The following METTL17 variants were observed in gnomAD, a reference collection of about 807,000 sequenced individuals.
The protein encoded by METTL17 is ribosome assembly protein METTL17, mitochondrial.
In METTL17, 49 loss-of-function variants were observed where a neutral mutation model predicts 59.4. The ratio of observed to expected loss-of-function variants is 0.82; its 90% CI spans 0.66 to 1.05. The LOEUF is 1.05. Among genes scored for constraint, METTL17 ranks in the 50% least tolerant of loss-of-function variants. METTL17 has a pLI of 0.00. For synonymous variants in METTL17, 208 were observed against 209.2 expected, an observed-to-expected ratio of 0.99 and a Z score of 0.05; for missense variants, 555 against 578.4, an observed-to-expected ratio of 0.96 and a Z score of 0.41.
chr14:20,996,455 G>C, intron 12 of METTL17, 72 bp from the exon 13 acceptor site: 2 of 1,540,592 alleles, frequency 1.3e-6, no homozygotes, highest in Non-Finnish European at 1.8e-6. Flanking sequence ...GCAGGAATGG[G>C]GAAGAAGGGA....
chr14:20,992,423 G>A lies in METTL17; in HGVS notation c.447-118G>A, dbSNP rs1023349784. The A allele has an allele frequency of 2.6e-5, 22 of 859,148 alleles. No individual in the cohort carries two copies. The African/African-American group carries it at 3.4e-4, about 13-fold the overall frequency. The allele number at this position is 859,148 out of a possible 1,614,324, so 53.2% of individuals were successfully genotyped here. On this transcript the variant is annotated intron_variant, in intron 4 of 13. Coordinates refer to ENST00000339374, the MANE Select transcript of METTL17 (RefSeq NM_022734.3). ...TCTCCCCAGGACCCTTTTGTATTGGGGAGTGAAAGGCCTGAGCTGGAAGAG... is the reference window on the plus strand; with the variant it reads ...TCTCCCCAGGACCCTTTTGTATTGGAGAGTGAAAGGCCTGAGCTGGAAGAG...
At position 20,996,900 on chromosome 14, in the gene METTL17, G is replaced by T; in HGVS notation, c.*10G>T. 1 of 1,597,386 alleles carries T rather than the reference G, an allele frequency of 6.3e-7. No homozygotes were observed. Among genetic ancestry groups the T allele is most frequent in the Non-Finnish European group, 8.5e-7 (1 of 1,170,340 alleles). On this transcript the variant is annotated 3_prime_UTR_variant, in exon 14 of 14. Coordinates refer to ENST00000339374, the MANE Select transcript of METTL17 (RefSeq NM_022734.3). ...TCCCTCTGAGAGTTGATGAGGATGT[G>T]TAACAAGTATTTTCTTCTATCGTGC... is the stretch of plus-strand genomic sequence containing the variant.
At chr14:20,991,154 T>C (rs919916691) in intron 3 of METTL17, among the ~76,000 whole-genome samples, 3 of 152,090 alleles carry the variant, frequency 2.0e-5, no homozygotes, top group African/African-American at 7.2e-5. Context: ...AATCTAGATA[T>C]TTATTTTTTT....
intron 4 of METTL17, 129 bp from the exon 5 acceptor site, chr14:20,992,412 T>C: frequency 2.5e-6 from 2 of 810,456 alleles, no homozygotes; most frequent in South Asian, 1.7e-5. Flanking sequence ...CCCAGGACCC[T>C]TTTGTATTGG....
At position 20,996,043 on chromosome 14, in the gene METTL17, A is replaced by G. The variant is rs10150215; in HGVS notation, c.996+92A>G. On this transcript the variant is annotated intron_variant, in intron 11 of 13. Coordinates refer to ENST00000339374, the MANE Select transcript of METTL17 (RefSeq NM_022734.3). ...TGGTAAAGCTAAGCCACTCTCCACT[A>G]CTTTGTGTTCCTATCCAGTTCCTAC... 0.011 allele frequency: 15,206 copies of G among 1,432,606 alleles called. 1,016 individuals carry two copies. In the African/African-American group the frequency reaches 0.16, roughly 15 times the overall value. 88.7% of individuals were successfully genotyped at this position (1,432,606 alleles called of 1,614,324 possible).
At chr14:20,993,918 A>G (rs781252435) in intron 6 of METTL17, 51 bp from the exon 7 acceptor site, 6 of 1,424,894 alleles carry the variant, frequency 4.2e-6, no homozygotes, top group African/African-American at 1.4e-5. Context: ...TCTTGTAGAG[A>G]TGACTCTTGG....
intron 13 of METTL17, 29 bp downstream of exon 13, chr14:20,996,740 G>A (rs761585946): frequency 1.2e-6 from 2 of 1,614,242 alleles, no homozygotes; most frequent in Non-Finnish European, 1.7e-6. Context: ...AAATCAGTGG[G>A]ATGTGGCAGG....
chr14:20,994,776 C>G lies in METTL17; in HGVS notation c.769-18C>G. The G allele has an allele frequency of 6.2e-7, 1 of 1,600,258 alleles. No homozygotes were observed. Among genetic ancestry groups the G allele is most frequent in the Non-Finnish European group, 8.6e-7 (1 of 1,167,464 alleles). On this transcript the variant is annotated intron_variant, in intron 8 of 13. Coordinates refer to ENST00000339374, the MANE Select transcript of METTL17 (RefSeq NM_022734.3). The stretch of plus-strand genomic sequence containing the variant: ...GTAGAGATGTTGAGTCTGTCATGTT[C>G]CTTGTCTTGGTCCTCAGGTGCAGTT...
At position 20,994,897 on chromosome 14, in the gene METTL17, T is replaced by A. The variant is rs1429692658; in HGVS notation, c.872T>A (p.Phe291Tyr). Residue 291 changes from phenylalanine to tyrosine, a missense_variant, in exon 9 of 14, where the codon TTC (phenylalanine) becomes TAC (tyrosine). Coordinates refer to ENST00000339374, the MANE Select transcript of METTL17 (RefSeq NM_022734.3). The part of the protein sequence containing the change: ...VQTLWRKTGH[F>Y]LVLVENGTKA... ...ACCTTATGGCGTAAGACAGGTCATT[T>A]CCTGGTGAGTTAAAATTCCTTGTTC... The A allele has an allele frequency of 6.2e-7, 1 of 1,611,938 alleles. No individual in the cohort carries two copies. The highest frequency in any genetic ancestry group is 8.5e-7 in the Non-Finnish European group (1 of 1,178,596).
At chr14:20,994,147 A>AG in intron 7 of METTL17, 84 bp downstream of exon 7, 1 of 976,664 alleles carries the variant, frequency 1.0e-6, no homozygotes, top group African/African-American at 1.6e-5. Context: ...GAAGTAGAGA[A>AG]GAGGGTAAAA....
At position 20,992,914 on chromosome 14, in the gene METTL17, T is replaced by C. The variant is rs952524584; in HGVS notation, c.529-204T>C. On this transcript the variant is annotated intron_variant, in intron 5 of 13. Transcript: ENST00000339374. Reference sequence around the variant, plus strand: ...AAAAAAACACAAAATAAAGACGTTCTCTTTATCCTGTGAAAGCTTTCTGTG... The same window carrying C: ...AAAAAAACACAAAATAAAGACGTTCCCTTTATCCTGTGAAAGCTTTCTGTG... The C allele has an allele frequency of 2.5e-5, 15 of 609,424 alleles. No homozygotes were observed. In the South Asian group the frequency reaches 3.0e-4, roughly 12 times the overall value. The allele number at this position is 609,424 out of a possible 1,614,324, so 37.8% of individuals were successfully genotyped here.
intron 9 of METTL17, 45 bp downstream of exon 9, chr14:20,994,946 A>C: frequency 6.9e-7 from 1 of 1,444,026 alleles, no homozygotes; most frequent in Non-Finnish European, 9.7e-7. Context: ...AAGCAGCTTC[A>C]TGGATTTCAT....
chr14:20,990,054 C>T lies in METTL17; in HGVS notation c.52C>T (p.Leu18Phe), dbSNP rs776606513. 1.9e-6 allele frequency: 3 copies of T among 1,613,468 alleles called. No individual in the cohort carries two copies. Among genetic ancestry groups the T allele is most frequent in the Non-Finnish European group, 2.5e-6 (3 of 1,179,986 alleles). ...LLTLGRWCPG[L>F]GVAPQARALA... ...GACATTAGGAAGATGGTGCCCCGGC[C>T]TTGGAGTGGCTCCCCAGGCCCGGGT... is the stretch of plus-strand genomic sequence containing the variant. The change falls in exon 1 of 14, where the codon CTT (leucine) becomes TTT (phenylalanine). Residue 18 changes from leucine to phenylalanine, a missense_variant. Coordinates refer to ENST00000339374, the MANE Select transcript of METTL17 (RefSeq NM_022734.3).
chr14:20,993,680 G>A lies in METTL17; in HGVS notation c.603-289G>A, dbSNP rs368816048. 5.7e-4 allele frequency: 135 copies of A among 235,134 alleles called. 1 individual carries two copies. The highest frequency in any genetic ancestry group is 3.0e-3 in the South Asian group (41 of 13,818). 14.6% of individuals were successfully genotyped at this position (235,134 alleles called of 1,614,324 possible). ...AGTAGAGACGGGGTTTCACCATATT[G>A]GCCAGGCTGGTCTCTAACTCCTGAC... On this transcript the variant is annotated intron_variant, in intron 6 of 13. Transcript: ENST00000339374.
At position 20,993,685 on chromosome 14, in the gene METTL17, G is replaced by A. The variant is rs571472546; in HGVS notation, c.603-284G>A. 9.5e-5 allele frequency: 23 copies of A among 241,412 alleles called. 1 individual carries two copies. The East Asian group carries it at 1.7e-3, about 18-fold the overall frequency. The allele number at this position is 241,412 out of a possible 1,614,324, so 15.0% of individuals were successfully genotyped here. On this transcript the variant is annotated intron_variant, in intron 6 of 13. Coordinates refer to ENST00000339374, the MANE Select transcript of METTL17 (RefSeq NM_022734.3). The stretch of plus-strand genomic sequence containing the variant: ...AGACGGGGTTTCACCATATTGGCCA[G>A]GCTGGTCTCTAACTCCTGACCTTGT...
Position 20,996,279 on chromosome 14 carries a change from TC to T in METTL17, c.1071del (p.Phe358SerfsTer15). The T allele has an allele frequency of 6.2e-7, 1 of 1,613,826 alleles. No homozygotes were observed. The highest frequency in any genetic ancestry group is 8.5e-7 in the Non-Finnish European group (1 of 1,179,912). ...AGCTTCTCACAGGCGTACCATCCCA[TC>T]CCCTTCAGCTGGGTAGGTACCTGGG... ...ACSFSQAYHP[I>X]PFSWNKKPKE... is the part of the protein sequence containing the mutation. On this transcript the variant is annotated frameshift_variant, in exon 12 of 14. Coordinates refer to ENST00000339374, the MANE Select transcript of METTL17 (RefSeq NM_022734.3). LOFTEE classifies it high-confidence loss of function.
In METTL17 at chr14:20,996,153, T is replaced by C. The variant is rs2138742397; in HGVS notation, c.997-56T>C. ...TTTTGACTCTATTATTCTCAGTTTT[T>C]AAGTTTTGTGATTGATGGCTCTTTT... On this transcript the variant is annotated intron_variant, in intron 11 of 13. Transcript: ENST00000339374. The C allele has an allele frequency of 2.0e-6, 3 of 1,536,640 alleles. No individual in the cohort carries two copies. The South Asian group carries it at 3.4e-5, about 17-fold the overall frequency.
rs1220153788 is a variant in METTL17 at position 20,990,730 on chromosome 14, T to TA, written c.364+133dup. The TA allele has an allele frequency of 3.6e-6, 4 of 1,117,496 alleles. No individual in the cohort carries two copies. In the African/African-American group the frequency reaches 6.3e-5, roughly 18 times the overall value. The allele number at this position is 1,117,496 out of a possible 1,614,324, so 69.2% of individuals were successfully genotyped here. A position where few individuals can be genotyped will look rare whatever the true frequency, so the allele number is the denominator to read the frequency against. ...ACTTTCTAACCAGAGCAGCAGTTGTTACAATGATGCCTTACTAAAAGAAGG... is the reference window on the plus strand; with the variant it reads ...ACTTTCTAACCAGAGCAGCAGTTGTTAACAATGATGCCTTACTAAAAGAAGG... On this transcript the variant is annotated intron_variant, in intron 3 of 13. Coordinates refer to ENST00000339374, the MANE Select transcript of METTL17 (RefSeq NM_022734.3).
chr14:20,994,543 G>C lies in METTL17; in HGVS notation c.698G>C (p.Gly233Ala), dbSNP rs780065442. ...CAGTTGCCTCTTCTTTTCTCCACAG[G>C]TGGTTCAGAATCTGGGGAGCCTTAT... ...MLVLAEKLLK[G>A]GSESGEPYIP... The change falls in exon 8 of 14, where the codon GGT becomes GCT. Residue 233 changes from glycine (G) to alanine (A), a missense_variant and splice_region_variant. Gly to Ala is a moderately conservative substitution (Grantham distance 60). Coordinates refer to ENST00000339374, the MANE Select transcript of METTL17 (RefSeq NM_022734.3). 7 of 1,613,858 alleles carry C rather than the reference G, an allele frequency of 4.3e-6. No individual in the cohort carries two copies. The East Asian group carries it at 1.6e-4, about 36-fold the overall frequency.
Sources: gnomAD v4.1 joint callset for allele counts (sites outside exome capture counted in the v4.1 genomes callset) on GRCh38, gnomAD v4.1.1 for gene constraint, MANE v1.5 for transcripts, NCBI Gene and HGNC (gene_info 2026-07-23, HGNC 2026-07-21) for gene names.